The following RSRC1 variants were observed in gnomAD, a reference collection of about 807,000 sequenced individuals.
RSRC1 encodes arginine and serine rich coiled-coil 1.
A neutral mutation model predicts 49.1 loss-of-function variants in RSRC1; 39 were observed. The observed-to-expected ratio is 0.79, with a 90% CI of 0.61 to 1.04. The LOEUF is 1.04. RSRC1 is among the 50% of genes least tolerant of loss of function. The probability of loss-of-function intolerance (pLI) is 0.00; values close to 1 mark genes in which losing one functional copy is unlikely to be tolerated. For missense variants in RSRC1, 388 were observed against 402.4 expected, an observed-to-expected ratio of 0.96 and a Z score of 0.31; for synonymous variants, 143 against 130.8, an observed-to-expected ratio of 1.09 and a Z score of -0.63.
At chr3:158,338,832 G>T (rs1326366660) in intron 5 of RSRC1, among the ~76,000 whole-genome samples, 1 of 152,126 alleles carries the variant, frequency 6.6e-6, no homozygotes, top group Non-Finnish European at 1.5e-5. Flanking sequence ...CTGCCACCTT[G>T]TCAGCTTTGC....
chr3:158,532,807 A>G (rs1712480404), intron 7 of RSRC1, among the ~76,000 whole-genome samples: 1 of 151,780 alleles, frequency 6.6e-6, no homozygotes, highest in Non-Finnish European at 1.5e-5. Flanking sequence ...TTACCATGTA[A>G]ATGTTTTAAA....
intron 8 of RSRC1, among the ~76,000 whole-genome samples, chr3:158,538,527 C>A (rs976850036): frequency 3.3e-5 from 5 of 151,856 alleles, no homozygotes; most frequent in African/African-American, 1.2e-4. Context: ...GAAGTTTACC[C>A]TGACATCCCA....
chr3:158,281,657 A>G (rs1332465432), intron 4 of RSRC1, among the ~76,000 whole-genome samples: 2 of 152,236 alleles, frequency 1.3e-5, no homozygotes, highest in Non-Finnish European at 2.9e-5. Flanking sequence ...AGTATTGAAC[A>G]TTAATTCAGC....
intron 3 of RSRC1, among the ~76,000 whole-genome samples, chr3:158,142,373 G>C (rs893950813): frequency 2.0e-5 from 3 of 152,116 alleles, no homozygotes; most frequent in Non-Finnish European, 2.9e-5. Flanking sequence ...TGATCCTGTA[G>C]CCATCTTGGA....
At chr3:158,222,300 A>G (rs1231399254) in intron 4 of RSRC1, among the ~76,000 whole-genome samples, 1 of 151,442 alleles carries the variant, frequency 6.6e-6, no homozygotes, top group African/African-American at 2.4e-5. Context: ...TCCTATAGTC[A>G]CATCTTAAAA....
intron 7 of RSRC1, among the ~76,000 whole-genome samples, chr3:158,469,175 G>T (rs1738019492): frequency 6.6e-6 from 1 of 152,048 alleles, no homozygotes; most frequent in South Asian, 2.1e-4. Flanking sequence ...TCATCTATAT[G>T]AGGGAAAATA....
At chr3:158,523,665 A>G (rs921184305) in intron 7 of RSRC1, among the ~76,000 whole-genome samples, 1 of 151,968 alleles carries the variant, frequency 6.6e-6, no homozygotes, top group Non-Finnish European at 1.5e-5. Context: ...AAGATTTTTT[A>G]TGATTAGGAA....
intron 4 of RSRC1, among the ~76,000 whole-genome samples, chr3:158,270,654 A>G (rs1725464968): frequency 6.6e-6 from 1 of 152,158 alleles, no homozygotes; most frequent in South Asian, 2.1e-4. Flanking sequence ...ATATCATGCA[A>G]GCTTTTTAGA....
chr3:158,469,303 AATT>A (rs1373825851), intron 7 of RSRC1: 2 of 397,686 alleles, frequency 5.0e-6, no homozygotes, highest in Non-Finnish European at 9.8e-6. Flanking sequence ...ATAGTTATTT[AATT>A]CAATCATCCT....
rs903702777 is a variant in RSRC1 at position 158,229,272 on chromosome 3, A to G, written c.494+26027A>G. ...TAAACATACATGTATATGTGTATGT[A>G]TGTATATAAACATACACACACGTAT... On this transcript the variant is annotated intron_variant, in intron 4 of 9. Transcript: ENST00000611884. Among the ~76,000 whole-genome samples the G allele has an allele frequency of 4.1e-5, 4 of 97,242 alleles. 1 individual carries two copies. The highest frequency in any genetic ancestry group is 3.9e-4 in the East Asian group (1 of 2,560). 63.8% of individuals were successfully genotyped at this position (97,242 alleles called of 152,430 possible).
Position 158,118,930 on chromosome 3 carries a change from G to A in RSRC1, c.-2-3173G>A, listed in dbSNP as rs141145748. Reference sequence around the variant, plus strand: ...GCAGATATTCAAGAATCCTCTTGAGGATAGCACACAGAGGGCTATGACTTT... The same window carrying A: ...GCAGATATTCAAGAATCCTCTTGAGAATAGCACACAGAGGGCTATGACTTT... On this transcript the variant is annotated intron_variant, in intron 1 of 9. Coordinates refer to ENST00000611884, the MANE Select transcript of RSRC1 (RefSeq NM_001271838.2). Among the ~76,000 whole-genome samples, 400 of 152,290 alleles carry A rather than the reference G, an allele frequency of 2.6e-3. 4 individuals carry two copies. The highest frequency in any genetic ancestry group is 9.2e-3 in the African/African-American group (382 of 41,556).
intron 7 of RSRC1, among the ~76,000 whole-genome samples, chr3:158,463,556 G>A (rs1456895049): frequency 6.6e-6 from 1 of 152,014 alleles, no homozygotes; most frequent in African/African-American, 2.4e-5. Flanking sequence ...TCATGCTGAT[G>A]TGCAATACAG....
chr3:158,272,433 A>G (rs1035086486), intron 4 of RSRC1, among the ~76,000 whole-genome samples: 2 of 152,106 alleles, frequency 1.3e-5, no homozygotes, highest in African/African-American at 4.8e-5. Flanking sequence ...GACAGATGCT[A>G]TGTTCCAGGC....
chr3:158,275,665 C>T (rs1358804342), intron 4 of RSRC1: 3 of 390,830 alleles, frequency 7.7e-6, no homozygotes, highest in African/African-American at 4.3e-5. Context: ...TTATTGTCTT[C>T]AAACATTATT....
chr3:158,274,127 T>C (rs1434515043), intron 4 of RSRC1, among the ~76,000 whole-genome samples: 1 of 152,190 alleles, frequency 6.6e-6, no homozygotes, highest in Non-Finnish European at 1.5e-5. Context: ...CTTTAATAGA[T>C]AAAGAGTATC....
intron 6 of RSRC1, among the ~76,000 whole-genome samples, chr3:158,433,865 CA>C (rs1306468518): frequency 6.6e-6 from 1 of 151,868 alleles, no homozygotes; most frequent in African/African-American, 2.4e-5. Context: ...TAAGATTATT[CA>C]AATTTTAATC....
chr3:158,459,227 T>A (rs1479281114), intron 6 of RSRC1, among the ~76,000 whole-genome samples: 1 of 152,022 alleles, frequency 6.6e-6, no homozygotes, highest in African/African-American at 2.4e-5. Context: ...AAAAAACATA[T>A]AAAATAATAT....
Position 158,301,054 on chromosome 3 carries a change from A to G in RSRC1, c.531+2979A>G, listed in dbSNP as rs1727518261. Among the ~76,000 whole-genome samples, 2 of 152,276 alleles carry G rather than the reference A, an allele frequency of 1.3e-5. 1 individual carries two copies. Among genetic ancestry groups the G allele is most frequent in the South Asian group, 4.1e-4 (2 of 4,828 alleles). The stretch of plus-strand genomic sequence containing the variant: ...TTACTTAAGTTTTTTACAGTCTCTT[A>G]GACCACTGATTCAGCCTCTCTGTTT... On this transcript the variant is annotated intron_variant, in intron 5 of 9. Transcript: ENST00000611884.
chr3:158,506,791 C>A (rs757157908), intron 7 of RSRC1, among the ~76,000 whole-genome samples: 2 of 150,882 alleles, frequency 1.3e-5, no homozygotes, highest in African/African-American at 2.4e-5. Context: ...AAAAGTAGAA[C>A]TACCATATGA....
Sources: gnomAD v4.1 joint callset for allele counts (sites outside exome capture counted in the v4.1 genomes callset) on GRCh38, gnomAD v4.1.1 for gene constraint, MANE v1.5 for transcripts, NCBI Gene and HGNC (gene_info 2026-07-23, HGNC 2026-07-21) for gene names.